Variants in MTRR observed in about 807,000 individuals in gnomAD.
MTRR encodes the protein 5-methyltetrahydrofolate-homocysteine methyltransferase reductase, also known as methionine synthase reductase.
Under a neutral mutation model 79.2 loss-of-function variants are expected in MTRR, and 63 were observed. That is an observed-to-expected ratio of 0.80 (90% CI 0.65 to 0.98). MTRR has a LOEUF of 0.98. Among genes scored for constraint, MTRR ranks in the 50% least tolerant of loss-of-function variants. The pLI is 0.00. For synonymous variants in MTRR, 355 were observed against 313.3 expected, an observed-to-expected ratio of 1.13 and a Z score of -1.41; for missense variants, 895 against 839.6, an observed-to-expected ratio of 1.07 and a Z score of -0.82.
At chr5:7,870,977 G>T in intron 2 of MTRR, 54 bp downstream of exon 2, 1 of 1,609,072 alleles carries the variant, frequency 6.2e-7, no homozygotes, top group Middle Eastern at 1.7e-4. Context: ...AATTTTGGTT[G>T]GGAAGTGATA....
At chr5:7,896,499 C>A (rs991407896) in intron 12 of MTRR, 4 of 313,282 alleles carry the variant, frequency 1.3e-5, no homozygotes, top group Non-Finnish European at 2.4e-5. Context: ...AGACACTTTA[C>A]ACATTCTGCC....
intron 7 of MTRR, 138 bp downstream of exon 7, chr5:7,885,992 G>A (rs950486506): frequency 7.8e-6 from 8 of 1,031,796 alleles, no homozygotes; most frequent in South Asian, 2.6e-5. Context: ...ATCAAGGTCT[G>A]GGAACACAGG....
At chr5:7,874,858 C>T (rs1380176685) in intron 3 of MTRR, among the ~76,000 whole-genome samples, 2 of 152,128 alleles carry the variant, frequency 1.3e-5, no homozygotes, top group African/African-American at 2.4e-5. Flanking sequence ...AAAGGCAGTG[C>T]ATGGTATTTG....
chr5:7,889,960 C>T (rs1402913112), intron 9 of MTRR, among the ~76,000 whole-genome samples: 1 of 152,006 alleles, frequency 6.6e-6, no homozygotes, highest in Admixed American at 6.5e-5. Flanking sequence ...CCTGAGCAGT[C>T]GATGTCCTAG....
chr5:7,859,428 T>A (rs1260270696), intron 1 of MTRR: 1 of 1,549,780 alleles, frequency 6.5e-7, no homozygotes, highest in African/African-American at 1.4e-5. Context: ...AGTTCTGAAG[T>A]CAGTATTCAT....
chr5:7,867,532 A>G (rs749034532), upstream of MTRR: 1 of 1,614,248 alleles, frequency 6.2e-7, no homozygotes, highest in South Asian at 1.1e-5. Context: ...ACAGAATCAG[A>G]GCTTGCAAAG....
At chr5:7,855,216 A>C (rs954472319) in intron 1 of MTRR, among the ~76,000 whole-genome samples, 3 of 152,228 alleles carry the variant, frequency 2.0e-5, no homozygotes, top group Non-Finnish European at 2.9e-5. Flanking sequence ...ACAGTTAAAA[A>C]ATATTTTTGA....
upstream of MTRR, chr5:7,865,948 G>A: frequency 2.5e-6 from 4 of 1,614,058 alleles, no homozygotes; most frequent in Non-Finnish European, 3.4e-6. Context: ...TGGGTCAGTT[G>A]TGCCCGACTC....
chr5:7,855,458 A>G (rs950022244), intron 1 of MTRR, among the ~76,000 whole-genome samples: 19 of 151,754 alleles, frequency 1.3e-4, no homozygotes, highest in Non-Finnish European at 1.6e-4. Context: ...TAGATGAAAC[A>G]TGATTGGAAA....
chr5:7,852,457 AAC>A (rs1294072481), intron 1 of MTRR, among the ~76,000 whole-genome samples: 1 of 151,950 alleles, frequency 6.6e-6, no homozygotes, highest in Non-Finnish European at 1.5e-5. Flanking sequence ...TTGTCCCACT[AAC>A]ACATCTTTTT....
At chr5:7,852,285 G>A (rs959769925) in intron 1 of MTRR, among the ~76,000 whole-genome samples, 2 of 152,126 alleles carry the variant, frequency 1.3e-5, no homozygotes, top group Non-Finnish European at 2.9e-5. Flanking sequence ...TCATTCTGAG[G>A]CACCTGGTGA....
rs1387753888 is a variant in MTRR at position 7,869,183 on chromosome 5, T to A, written c.-58T>A. On this transcript the variant is annotated 5_prime_UTR_variant, in exon 1 of 15. Transcript: ENST00000440940. Reference sequence around the variant, plus strand: ...GGCGCAAGGTTGGTGGAAGTCGCGTTGTGCAGGTTCGTGCCCGGCTGGCGC... The same window carrying A: ...GGCGCAAGGTTGGTGGAAGTCGCGTAGTGCAGGTTCGTGCCCGGCTGGCGC... The A allele has an allele frequency of 1.2e-6, 2 of 1,611,412 alleles. No homozygotes were observed. The highest frequency in any genetic ancestry group is 1.7e-4 in the Middle Eastern group (1 of 6,060).
intron 2 of MTRR, chr5:7,872,196 C>A (rs775961851): frequency 4.5e-6 from 2 of 446,610 alleles, no homozygotes; most frequent in Non-Finnish European, 8.9e-6. Flanking sequence ...TTAAATACTT[C>A]GGTAAAAAGT....
intron 2 of MTRR, among the ~76,000 whole-genome samples, chr5:7,871,756 C>T (rs2126652105): frequency 6.6e-6 from 1 of 152,276 alleles, no homozygotes; most frequent in East Asian, 1.9e-4. Context: ...TTCCTTTATG[C>T]AGCCCTGCCA....
chr5:7,868,209 A>T (rs1240668035), upstream of MTRR: 3 of 622,146 alleles, frequency 4.8e-6, no homozygotes, highest in East Asian at 8.8e-5. Flanking sequence ...GGAAAAAAAA[A>T]AAAAAAAAAA....
intron 4 of MTRR, 84 bp downstream of exon 4, chr5:7,875,459 T>A: frequency 8.4e-7 from 1 of 1,191,590 alleles, no homozygotes; most frequent in Non-Finnish European, 1.3e-6. Flanking sequence ...GCTTTTCACT[T>A]AACACTGAAA....
At chr5:7,871,058 G>A in intron 2 of MTRR, 135 bp downstream of exon 2, 2 of 1,045,056 alleles carry the variant, frequency 1.9e-6, no homozygotes, top group Non-Finnish European at 2.9e-6. Flanking sequence ...TTTGTTCAAT[G>A]GTATAGTAAG....
At chr5:7,878,369 G>A (rs753092101) in intron 5 of MTRR, 47 bp downstream of exon 5, 2 of 1,605,254 alleles carry the variant, frequency 1.2e-6, no homozygotes, top group Admixed American at 1.7e-5. Flanking sequence ...AATCATGGAT[G>A]TTTGCTTTGG....
At chr5:7,887,566 TTA>T (rs532744558) in intron 8 of MTRR, among the ~76,000 whole-genome samples, 8 of 146,492 alleles carry the variant, frequency 5.5e-5, no homozygotes, top group East Asian at 2.0e-4. Flanking sequence ...ATATATAGAT[TTA>T]TATATATATA....
Sources: allele counts gnomAD v4.1 joint callset (sites outside exome capture counted in the v4.1 genomes callset), GRCh38; gene constraint gnomAD v4.1.1; transcripts MANE v1.5; gene names NCBI Gene and HGNC (gene_info 2026-07-23, HGNC 2026-07-21).